IKZF1: variants seen among roughly 807,000 people sequenced by gnomAD.
The protein encoded by IKZF1 is IKAROS family zinc finger 1.
IKZF1 carries 10 observed loss-of-function variants against 51.7 expected under a neutral mutation model. The observed-to-expected ratio is 0.19, with a 90% CI of 0.12 to 0.33. The LOEUF (loss-of-function observed/expected upper bound fraction) is 0.33, where lower values mean the gene tolerates loss of function less well. IKZF1 is among the 10% of genes least tolerant of loss of function. The probability of loss-of-function intolerance (pLI) is 1.00; values close to 1 mark genes in which losing one functional copy is unlikely to be tolerated. For synonymous variants in IKZF1, 280 were observed against 282.3 expected, an observed-to-expected ratio of 0.99 and a Z score of 0.08; for missense variants, 484 against 707.5, an observed-to-expected ratio of 0.68 and a Z score of 3.58.
intron 3 of IKZF1, among the ~76,000 whole-genome samples, chr7:50,342,382 T>G (rs1799253576): frequency 6.6e-6 from 1 of 152,240 alleles, no homozygotes; most frequent in African/African-American, 2.4e-5. Flanking sequence ...CTTCATTGTA[T>G]TCCCATGTAC....
intron 4 of IKZF1, among the ~76,000 whole-genome samples, chr7:50,379,117 G>A (rs1414232198): frequency 1.3e-5 from 2 of 152,338 alleles, no homozygotes; most frequent in South Asian, 4.1e-4. Flanking sequence ...TCAGACCTGG[G>A]GGGAGGCAGG....
rs765819175 is a variant in IKZF1, at chr7:50,401,088, A to G, written c.*461A>G. 12 of 281,460 alleles carry G rather than the reference A, an allele frequency of 4.3e-5. No homozygotes were observed. Among genetic ancestry groups the G allele is most frequent in the Non-Finnish European group, 8.0e-5 (12 of 150,264 alleles). The allele number at this position is 281,460 out of a possible 1,614,324, so 17.4% of individuals were successfully genotyped here. The stretch of plus-strand genomic sequence containing the variant: ...CACAGCCCCTGCTGTGTGGGTCTGC[A>G]GGTGAGCAGACAGGACAGGTGTGCC... On this transcript the variant is annotated 3_prime_UTR_variant, in exon 8 of 8. Transcript: ENST00000331340.
chr7:50,363,889 C>G (rs75466313), intron 3 of IKZF1, among the ~76,000 whole-genome samples: 1 of 152,174 alleles, frequency 6.6e-6, no homozygotes, highest in African/African-American at 2.4e-5. Flanking sequence ...GCTCAGTCAC[C>G]GGGTCAGGAA....
chr7:50,343,854 A>C (rs960620356), intron 3 of IKZF1, among the ~76,000 whole-genome samples: 17 of 152,132 alleles, frequency 1.1e-4, no homozygotes, highest in African/African-American at 4.1e-4. Flanking sequence ...TGTATATTTG[A>C]GTCTGGGTTT....
At chr7:50,320,054 C>T (rs1420274977) in intron 2 of IKZF1, among the ~76,000 whole-genome samples, 2 of 152,124 alleles carry the variant, frequency 1.3e-5, no homozygotes, top group African/African-American at 4.8e-5. Flanking sequence ...CCTTCTCCAC[C>T]ACTCCTCAGC....
In IKZF1 at chr7:50,400,121, A is replaced by G; in HGVS notation, c.1054A>G (p.Lys352Glu). The change falls in exon 8 of 8, where the codon AAG becomes GAG. Residue 352 changes from lysine (K) to glutamate (E), a missense_variant. By Grantham distance (56) the Lys-to-Glu change is moderately conservative. Around this residue, in one of 6 missense-constraint regions of IKZF1, gnomAD observed 172 missense variants for 192.7 expected, o/e 0.89. Transcript: ENST00000331340. This position sits in a 1 kb window ranked among gnomAD's most constrained non-coding sequence, Gnocchi z 5.4. Reference protein sequence around the residue: ...PVISPMYQLHKPLAEGTPRSN... With the variant: ...PVISPMYQLHEPLAEGTPRSN... Reference sequence around the variant, plus strand: ...CATCAGCCCGATGTACCAGCTGCACAAGCCGCTCGCGGAGGGCACCCCGCG... The same window carrying G: ...CATCAGCCCGATGTACCAGCTGCACGAGCCGCTCGCGGAGGGCACCCCGCG... 6.4e-7 allele frequency: 1 copy of G among 1,563,014 alleles called. No individual in the cohort carries two copies. The highest frequency in any genetic ancestry group is 8.7e-7 in the Non-Finnish European group (1 of 1,155,600).
At chr7:50,330,697 A>G (rs1796266000) in intron 3 of IKZF1, among the ~76,000 whole-genome samples, 1 of 152,248 alleles carries the variant, frequency 6.6e-6, no homozygotes, top group Non-Finnish European at 1.5e-5. Flanking sequence ...ACATTAGGAA[A>G]CAATATAAAA....
chr7:50,402,919 ATC>A lies in IKZF1; in HGVS notation c.*2296_*2297del. 1 of 229,260 alleles carries A rather than the reference ATC, an allele frequency of 4.4e-6. No individual in the cohort carries two copies. Among genetic ancestry groups the A allele is most frequent in the Non-Finnish European group, 8.7e-6 (1 of 115,476 alleles). 14.2% of individuals were successfully genotyped at this position (229,260 alleles called of 1,614,324 possible). On this transcript the variant is annotated 3_prime_UTR_variant, in exon 8 of 8. Coordinates refer to ENST00000331340, the MANE Select transcript of IKZF1 (RefSeq NM_006060.6). ...AAAGATGCGCCTTATCCAAGTTAATATCTCTAAGGTGAGAGCCTTCTTAGAGT... is the reference window on the plus strand; with the variant it reads ...AAAGATGCGCCTTATCCAAGTTAATATCTAAGGTGAGAGCCTTCTTAGAGT...
intron 5 of IKZF1, among the ~76,000 whole-genome samples, chr7:50,387,134 A>G (rs1247480168): frequency 2.0e-5 from 3 of 152,240 alleles, no homozygotes; most frequent in Non-Finnish European, 2.9e-5. Context: ...AAGACAAAAC[A>G]AGAGTCGCAT....
intron 5 of IKZF1, 58 bp from the exon 6 acceptor site, chr7:50,387,287 C>A (rs1813659865): frequency 6.3e-7 from 1 of 1,581,784 alleles, no homozygotes; most frequent in Non-Finnish European, 8.6e-7. Flanking sequence ...CATGCATTCC[C>A]CTTACACAGA....
intron 5 of IKZF1, among the ~76,000 whole-genome samples, chr7:50,383,697 C>T (rs1239232453): frequency 6.6e-6 from 1 of 152,208 alleles, no homozygotes; most frequent in Admixed American, 6.5e-5. Flanking sequence ...CAGCCAGGGC[C>T]CTTCTCCAAG....
In IKZF1 at chr7:50,400,963, G is replaced by A; in HGVS notation, c.*336G>A. 2 of 420,674 alleles carry A rather than the reference G, an allele frequency of 4.8e-6. No individual in the cohort carries two copies. The highest frequency in any genetic ancestry group is 8.6e-6 in the Non-Finnish European group (2 of 231,398). The allele number at this position is 420,674 out of a possible 1,614,324, so 26.1% of individuals were successfully genotyped here. ...TAGTCTAAATTTTCAGAGAGAAATA[G>A]ATAAAACACGCCACAGCCTGGGAAG... is the stretch of plus-strand genomic sequence containing the variant. On this transcript the variant is annotated 3_prime_UTR_variant, in exon 8 of 8. Transcript: ENST00000331340. This position sits in a 1 kb window ranked among gnomAD's most constrained non-coding sequence, Gnocchi z 5.4.
At chr7:50,357,134 G>A (rs1025077311) in intron 3 of IKZF1, among the ~76,000 whole-genome samples, 5 of 151,920 alleles carry the variant, frequency 3.3e-5, no homozygotes, top group Non-Finnish European at 7.4e-5. Context: ...TGCCTGTGGA[G>A]TGTTATAACC....
intron 7 of IKZF1, among the ~76,000 whole-genome samples, chr7:50,394,771 G>A (rs1055645273): frequency 1.3e-5 from 2 of 152,156 alleles, no homozygotes; most frequent in Admixed American, 1.3e-4. Flanking sequence ...ACTTTGACGT[G>A]AGTGTGAATA....
At chr7:50,345,855 A>G (rs1431752140) in intron 3 of IKZF1, among the ~76,000 whole-genome samples, 2 of 152,186 alleles carry the variant, frequency 1.3e-5, no homozygotes, top group Admixed American at 6.5e-5. Context: ...CTGGACCACA[A>G]GGTGAAACCT....
intron 1 of IKZF1, among the ~76,000 whole-genome samples, chr7:50,309,063 T>C (rs930108177): frequency 1.1e-4 from 17 of 152,220 alleles, no homozygotes; most frequent in Admixed American, 2.6e-4. Flanking sequence ...ATGGAGAGCA[T>C]CATTATGCTC....
intron 1 of IKZF1, among the ~76,000 whole-genome samples, chr7:50,311,883 G>A (rs772974445): frequency 6.6e-6 from 1 of 152,040 alleles, no homozygotes; most frequent in Non-Finnish European, 1.5e-5. Context: ...AAAAAAAAAT[G>A]AAGAAAAAAA....
intron 1 of IKZF1, among the ~76,000 whole-genome samples, chr7:50,313,142 C>T (rs954865424): frequency 1.3e-5 from 2 of 152,140 alleles, no homozygotes; most frequent in Non-Finnish European, 2.9e-5. Context: ...TTTTAAAATA[C>T]AGTGTAATTC....
intron 3 of IKZF1, among the ~76,000 whole-genome samples, chr7:50,343,842 T>C (rs1235967331): frequency 6.6e-6 from 1 of 152,236 alleles, no homozygotes; most frequent in East Asian, 1.9e-4. Flanking sequence ...AGCACTTGCT[T>C]TTGTATATTT....
Sources: allele counts gnomAD v4.1 joint callset (sites outside exome capture counted in the v4.1 genomes callset), GRCh38; gene constraint gnomAD v4.1.1; regional missense constraint gnomAD v4.1.1; non-coding constraint Gnocchi (gnomAD v3.1); transcripts MANE v1.5; gene names NCBI Gene and HGNC (gene_info 2026-07-23, HGNC 2026-07-21).